The following ALDH1A1 variants were observed in gnomAD, a reference collection of about 807,000 sequenced individuals.
ALDH1A1 encodes aldehyde dehydrogenase 1 family member A1.
Under a neutral mutation model 62.1 loss-of-function variants are expected in ALDH1A1, and 19 were observed. The observed-to-expected ratio is 0.31, with a 90% CI of 0.21 to 0.45. ALDH1A1 has a LOEUF of 0.45. Ranked by LOEUF, ALDH1A1 falls within the 20% of genes least tolerant of loss-of-function variation. The pLI is 1.00. For synonymous variants in ALDH1A1, 231 were observed against 215.9 expected, an observed-to-expected ratio of 1.07 and a Z score of -0.61; for missense variants, 521 against 607.1, an observed-to-expected ratio of 0.86 and a Z score of 1.49.
Position 72,911,955 on chromosome 9 carries a change from T to C in ALDH1A1, c.1200+3A>G. ...AAGAACAGAACAGAATGAAGCCATTTACCTCCTCTTTGGCAATGCGCATCT... is the reference window on the plus strand; with the variant it reads ...AAGAACAGAACAGAATGAAGCCATTCACCTCCTCTTTGGCAATGCGCATCT... On this transcript the variant is annotated splice_donor_region_variant and intron_variant, in intron 10 of 12. Transcript: ENST00000297785. 1 of 1,613,856 alleles carries C rather than the reference T, an allele frequency of 6.2e-7. No individual in the cohort carries two copies.
chr9:72,914,971 G>T (rs548235394), intron 9 of ALDH1A1, among the ~76,000 whole-genome samples: 117 of 152,118 alleles, frequency 7.7e-4, no homozygotes, highest in African/African-American at 2.6e-3. Context: ...TATCCCCTTT[G>T]CGTAAGTTTT....
chr9:72,923,425 A>C (rs1255981267), intron 7 of ALDH1A1, among the ~76,000 whole-genome samples: 1 of 152,152 alleles, frequency 6.6e-6, no homozygotes, highest in African/African-American at 2.4e-5. Flanking sequence ...TCATCAATAA[A>C]TGGGGATCTA....
chr9:72,935,834 A>C (rs1389952283), intron 2 of ALDH1A1, among the ~76,000 whole-genome samples: 1 of 152,190 alleles, frequency 6.6e-6, no homozygotes, highest in Admixed American at 6.5e-5. Flanking sequence ...ACAGAGTCAG[A>C]TACAGCATAT....
At chr9:72,937,618 T>C (rs1478767865) in intron 2 of ALDH1A1, among the ~76,000 whole-genome samples, 1 of 152,134 alleles carries the variant, frequency 6.6e-6, no homozygotes, top group African/African-American at 2.4e-5. Context: ...TTGAACTAGG[T>C]CCTGAGGACT....
At chr9:72,902,041 AGTT>A (rs1829811636) in intron 12 of ALDH1A1, among the ~76,000 whole-genome samples, 1 of 151,962 alleles carries the variant, frequency 6.6e-6, no homozygotes, top group Non-Finnish European at 1.5e-5. Flanking sequence ...GGCTTTTTGC[AGTT>A]GTTGTTTTTT....
intron 9 of ALDH1A1, among the ~76,000 whole-genome samples, chr9:72,916,580 G>A (rs886663918): frequency 6.6e-6 from 1 of 152,140 alleles, no homozygotes. Flanking sequence ...TGGTAGGAAT[G>A]TATAAGAATT....
At chr9:72,938,915 G>A (rs989203342) in intron 2 of ALDH1A1, among the ~76,000 whole-genome samples, 1 of 151,474 alleles carries the variant, frequency 6.6e-6, no homozygotes, top group African/African-American at 2.4e-5. Flanking sequence ...GCTAATTTTT[G>A]TATTTTTAGT....
intron 12 of ALDH1A1, among the ~76,000 whole-genome samples, chr9:72,903,656 T>C (rs1442860595): frequency 6.6e-6 from 1 of 151,916 alleles, no homozygotes; most frequent in East Asian, 1.9e-4. Flanking sequence ...TGAAAGAAAT[T>C]ATCTATACTC....
chr9:72,908,431 G>A (rs1321289962), intron 11 of ALDH1A1, among the ~76,000 whole-genome samples: 1 of 5,446 alleles, frequency 1.8e-4, no homozygotes, highest in Non-Finnish European at 3.5e-4. Flanking sequence ...TGAGACTCCA[G>A]CTCAAAAAAA....
intron 4 of ALDH1A1, among the ~76,000 whole-genome samples, chr9:72,928,402 C>T (rs2118539636): frequency 6.6e-6 from 1 of 152,256 alleles, no homozygotes; most frequent in East Asian, 1.9e-4. Context: ...GAAACGAGTC[C>T]GTGTGAACTG....
At chr9:72,908,603 GAAAGAAAGAAAGAAAGAAAGAA>G (rs1360517019) in intron 11 of ALDH1A1, among the ~76,000 whole-genome samples, 1 of 143,584 alleles carries the variant, frequency 7.0e-6, no homozygotes, top group Non-Finnish European at 1.5e-5. Context: ...AAGAAAGAAA[GAAAGAAAGAAAGAAAGAAAGAA>G]AGAGAATATT....
chr9:72,938,593 T>C (rs922354148), intron 2 of ALDH1A1, among the ~76,000 whole-genome samples: 5 of 152,016 alleles, frequency 3.3e-5, no homozygotes, highest in African/African-American at 4.8e-5. Context: ...ATTACAGGCA[T>C]GCGCCACCAT....
At chr9:72,902,506 G>T (rs982025945) in intron 12 of ALDH1A1, among the ~76,000 whole-genome samples, 3 of 151,912 alleles carry the variant, frequency 2.0e-5, no homozygotes, top group Non-Finnish European at 2.9e-5. Context: ...AGTGAGCATG[G>T]TCCTTAAAGT....
intron 11 of ALDH1A1, among the ~76,000 whole-genome samples, chr9:72,909,228 C>T (rs1829947855): frequency 8.1e-6 from 1 of 123,442 alleles, no homozygotes; most frequent in African/African-American, 3.1e-5. Flanking sequence ...ATGGCATGAT[C>T]TCGGCTCACT....
intron 1 of ALDH1A1, among the ~76,000 whole-genome samples, chr9:72,947,794 G>A (rs1464440190): frequency 6.6e-6 from 1 of 151,702 alleles, no homozygotes; most frequent in African/African-American, 2.4e-5. Flanking sequence ...CTCTGAGCTC[G>A]GGCTCCTCAG....
intron 11 of ALDH1A1, among the ~76,000 whole-genome samples, chr9:72,908,613 AAGAAAG>A (rs1829933986): frequency 9.0e-6 from 1 of 111,394 alleles, no homozygotes; most frequent in Admixed American, 9.4e-5. Context: ...GAAAGAAAGA[AAGAAAG>A]AAAGAAAGAG....
intron 2 of ALDH1A1, among the ~76,000 whole-genome samples, chr9:72,934,125 T>C (rs1830319263): frequency 6.6e-6 from 1 of 152,150 alleles, no homozygotes; most frequent in Non-Finnish European, 1.5e-5. Flanking sequence ...TTTTGCCATG[T>C]TGTCAAAGCT....
intron 2 of ALDH1A1, among the ~76,000 whole-genome samples, chr9:72,933,610 A>AAAAAAAAAAAT (rs1564637328): frequency 3.4e-5 from 4 of 119,020 alleles, no homozygotes; most frequent in Non-Finnish European, 3.5e-5. Context: ...AAAAAAAAAA[A>AAAAAAAAAAAT]AAAGAAAAAG....
rs574874196 is a variant in ALDH1A1 at position 72,947,528 on chromosome 9, A to G, written c.66+5407T>C. The stretch of plus-strand genomic sequence containing the variant: ...AGGAATGAATGATAAAAATGCAGTA[A>G]TAGGTGTGAAAACAGTTGTTAGAGC... On this transcript the variant is annotated intron_variant, in intron 1 of 12. Transcript: ENST00000297785. Among the ~76,000 whole-genome samples the G allele has an allele frequency of 6.6e-5, 10 of 152,108 alleles. No individual in the cohort carries two copies. The South Asian group carries it at 2.1e-3, about 32-fold the overall frequency.
Sources: allele counts gnomAD v4.1 joint callset (sites outside exome capture counted in the v4.1 genomes callset), GRCh38; gene constraint gnomAD v4.1.1; transcripts MANE v1.5; gene names NCBI Gene and HGNC (gene_info 2026-07-23, HGNC 2026-07-21).